The following FA2H variants were observed in gnomAD, a reference collection of about 807,000 sequenced individuals.
FA2H encodes the protein fatty acid 2-hydroxylase, also known as fatty acid alpha-hydroxylase.
A neutral mutation model predicts 44.9 loss-of-function variants in FA2H; 22 were observed. The ratio of observed to expected loss-of-function variants is 0.49; its 90% CI spans 0.35 to 0.70. The LOEUF (loss-of-function observed/expected upper bound fraction) is 0.70. FA2H is among the 30% of genes least tolerant of loss of function. The pLI, the probability that FA2H is intolerant of heterozygous loss-of-function variation, is 0.01. For synonymous variants in FA2H, 243 were observed against 213.2 expected (o/e 1.14, Z -1.22); for missense variants, 501 against 504.9 (o/e 0.99, Z 0.07).
chr16:74,726,301 C>T lies in FA2H; in HGVS notation c.537G>A (p.Leu179=), dbSNP rs75711361. 1,368 of 1,613,956 alleles carry T rather than the reference C, an allele frequency of 8.5e-4. 27 individuals are homozygous for T. The East Asian group carries it at 0.028, about 33-fold the overall frequency. Residue 179 remains leucine, a synonymous_variant, in exon 4 of 7, where the codon CTG becomes CTA. Transcript: ENST00000219368. ...AGTAGGACCAGCTGAGATACAGCAC[C>T]AGGGGCACCCAGATGATGGGGACAC... ...WYSVPIIWVP[L]VLYLSWSYYR...
intron 1 of FA2H, among the ~76,000 whole-genome samples, chr16:74,755,661 A>G (rs530486964): frequency 6.6e-6 from 1 of 152,312 alleles, no homozygotes; most frequent in South Asian, 2.1e-4. Flanking sequence ...ACATACAGCA[A>G]ACTGGGAGAA....
chr16:74,718,723 G>A (rs919242252), intron 5 of FA2H, among the ~76,000 whole-genome samples: 2 of 152,218 alleles, frequency 1.3e-5, no homozygotes, highest in African/African-American at 4.8e-5. Flanking sequence ...ACGAATGAAT[G>A]AGTTGTTTTG....
At chr16:74,763,404 C>A (rs137917166) in intron 1 of FA2H, among the ~76,000 whole-genome samples, 1 of 152,024 alleles carries the variant, frequency 6.6e-6, no homozygotes, top group Non-Finnish European at 1.5e-5. Flanking sequence ...ATTACAGGCA[C>A]GCACCACCAC....
rs372391824 is a variant in FA2H at position 74,714,249 on chromosome 16, A to G, written c.1060T>C (p.Leu354=). The stretch of plus-strand genomic sequence containing the variant: ...AGGGTGTGGAAACAGTAATCCCACA[A>G]TTTAGTGCTGATACCAAATCCTAGA... ...QKSGFGISTK[L]WDYCFHTLTP... is the part of the protein sequence containing the mutation. The change falls in exon 7 of 7, where the codon TTG becomes CTG. Residue 354 remains leucine (L), a synonymous_variant. Transcript: ENST00000219368. 9.6e-6 allele frequency: 15 copies of G among 1,562,384 alleles called. No homozygotes were observed. The highest frequency in any genetic ancestry group is 1.9e-5 in the Admixed American group (1 of 52,454).
At chr16:74,739,221 C>T (rs1046642027) in intron 2 of FA2H, among the ~76,000 whole-genome samples, 4 of 152,196 alleles carry the variant, frequency 2.6e-5, no homozygotes, top group African/African-American at 9.6e-5. Context: ...GGGCCTGTCC[C>T]ATTTGTTTCT....
intron 1 of FA2H, among the ~76,000 whole-genome samples, chr16:74,760,599 C>A (rs113255408): frequency 6.9e-6 from 1 of 144,398 alleles, no homozygotes; most frequent in African/African-American, 2.4e-5. Context: ...CCTGCTCCCC[C>A]CAGGAAATCC....
At chr16:74,749,807 G>A (rs1254873858) in intron 1 of FA2H, among the ~76,000 whole-genome samples, 2 of 152,180 alleles carry the variant, frequency 1.3e-5, no homozygotes, top group African/African-American at 4.8e-5. Flanking sequence ...TAGCCCTCCA[G>A]CCTCTAACCT....
chr16:74,769,620 A>G (rs1006955720), intron 1 of FA2H, among the ~76,000 whole-genome samples: 7 of 152,320 alleles, frequency 4.6e-5, no homozygotes, highest in African/African-American at 1.7e-4. Flanking sequence ...GTGGTGATTC[A>G]TGGATGCCCA....
At chr16:74,765,985 G>C (rs1340120974) in intron 1 of FA2H, among the ~76,000 whole-genome samples, 1 of 152,168 alleles carries the variant, frequency 6.6e-6, no homozygotes, top group African/African-American at 2.4e-5. Flanking sequence ...GGGAAGACAA[G>C]AGCCACAGTG....
chr16:74,746,584 T>C (rs749001959), intron 1 of FA2H, among the ~76,000 whole-genome samples: 2 of 152,116 alleles, frequency 1.3e-5, no homozygotes, highest in Non-Finnish European at 2.9e-5. Context: ...ATTTTAAAAT[T>C]TGACTTGCAT....
chr16:74,746,432 C>T (rs543631751), intron 1 of FA2H, among the ~76,000 whole-genome samples: 1 of 151,274 alleles, frequency 6.6e-6, no homozygotes, highest in Non-Finnish European at 1.5e-5. Flanking sequence ...TTAGTCTCAA[C>T]CTCCTAGCCT....
intron 1 of FA2H, 113 bp downstream of exon 1, chr16:74,774,373 G>T: frequency 1.9e-6 from 2 of 1,030,380 alleles, no homozygotes; most frequent in East Asian, 3.1e-5. Context: ...AGGGAAGGGA[G>T]GGCAGAAGCT....
intron 2 of FA2H, among the ~76,000 whole-genome samples, chr16:74,727,873 A>G (rs1033380413): frequency 6.6e-6 from 1 of 152,156 alleles, no homozygotes; most frequent in Middle Eastern, 3.4e-3. Flanking sequence ...TCTTTTCCCC[A>G]GGCTTCTTGG....
rs138087787 is a variant in FA2H, at chr16:74,727,306, C to A, written c.444G>T (p.Pro148=). 110 of 1,614,132 alleles carry A rather than the reference C, an allele frequency of 6.8e-5. No homozygotes were observed. In the African/African-American group the frequency reaches 1.3e-3, roughly 20 times the overall value. ...GEKYDEWVHQ[P]VTRPIRLFHS... ...GGAAGAGGCGGATGGGCCTGGTCACCGGCTGGTGAACCCACTCATCGTACT... is the reference window on the plus strand; with the variant it reads ...GGAAGAGGCGGATGGGCCTGGTCACAGGCTGGTGAACCCACTCATCGTACT... The change falls in exon 3 of 7, where the codon CCG becomes CCT. Residue 148 remains proline, a synonymous_variant. Coordinates refer to ENST00000219368, the MANE Select transcript of FA2H (RefSeq NM_024306.5).
chr16:74,761,706 T>G (rs536056619), intron 1 of FA2H, among the ~76,000 whole-genome samples: 3 of 152,334 alleles, frequency 2.0e-5, no homozygotes, highest in Non-Finnish European at 2.9e-5. Context: ...CTAGGCAAAG[T>G]GTTCTCTCTT....
chr16:74,717,637 G>C (rs118054363), intron 5 of FA2H, among the ~76,000 whole-genome samples: 2 of 152,226 alleles, frequency 1.3e-5, no homozygotes, highest in African/African-American at 4.8e-5. Context: ...TCCTTAGATG[G>C]ATAGGTCTGG....
intron 2 of FA2H, among the ~76,000 whole-genome samples, chr16:74,738,435 C>A (rs1962223104): frequency 6.6e-6 from 1 of 152,170 alleles, no homozygotes; most frequent in South Asian, 2.1e-4. Context: ...CTCGGGGAGA[C>A]TGGGAGGAGC....
chr16:74,737,718 A>T (rs914003737), intron 2 of FA2H, among the ~76,000 whole-genome samples: 1 of 152,194 alleles, frequency 6.6e-6, no homozygotes, highest in African/African-American at 2.4e-5. Flanking sequence ...AGTTAACACC[A>T]GCAAGCCCTT....
At chr16:74,725,926 G>A (rs565286306) in intron 4 of FA2H, 80 of 403,254 alleles carry the variant, frequency 2.0e-4, no homozygotes, top group South Asian at 1.7e-3. Flanking sequence ...TGTGTCTTTT[G>A]GTGTGACACT....
Sources: allele counts gnomAD v4.1 joint callset (sites outside exome capture counted in the v4.1 genomes callset), GRCh38; gene constraint gnomAD v4.1.1; transcripts MANE v1.5; gene names NCBI Gene and HGNC (gene_info 2026-07-23, HGNC 2026-07-21).